The following ADK variants were observed in gnomAD, a reference collection of about 807,000 sequenced individuals.
ADK encodes adenosine kinase.
ADK carries 24 observed loss-of-function variants against 44.7 expected under a neutral mutation model. The observed-to-expected ratio is 0.54, with a 90% CI of 0.39 to 0.76. ADK has a LOEUF of 0.76. Ranked by LOEUF, ADK falls within the 30% of genes least tolerant of loss-of-function variation. The pLI, the probability that ADK is intolerant of heterozygous loss-of-function variation, is 0.00. For missense variants in ADK, 321 were observed against 425.1 expected (o/e 0.76, Z 2.15); for synonymous variants, 128 against 142.6 (o/e 0.90, Z 0.73).
intron 1 of ADK, among the ~76,000 whole-genome samples, chr10:74,160,690 G>GT (rs1841867550): frequency 9.7e-4 from 132 of 136,314 alleles, no homozygotes; most frequent in African/African-American, 2.0e-3. Context: ...TGCAGGTAGG[G>GT]GTGTGTGTGT....
intron 2 of ADK, among the ~76,000 whole-genome samples, chr10:74,205,765 A>T (rs1843573727): frequency 6.6e-6 from 1 of 151,924 alleles, no homozygotes; most frequent in Non-Finnish European, 1.5e-5. Context: ...CCATATAATT[A>T]TCTCAATAGA....
intron 2 of ADK, among the ~76,000 whole-genome samples, chr10:74,204,930 C>G (rs772831370): frequency 3.3e-5 from 5 of 150,578 alleles, no homozygotes; most frequent in Non-Finnish European, 5.9e-5. Flanking sequence ...GTCCCAGTTA[C>G]TCGGGTGGCT....
chr10:74,375,939 G>A (rs1176273181), intron 4 of ADK, among the ~76,000 whole-genome samples: 2 of 151,602 alleles, frequency 1.3e-5, no homozygotes, highest in Non-Finnish European at 2.9e-5. Context: ...TTACACTTTT[G>A]GTTAAAGTGT....
chr10:74,675,943 CT>C (rs1168291181), intron 10 of ADK, among the ~76,000 whole-genome samples: 1 of 151,424 alleles, frequency 6.6e-6, no homozygotes, highest in African/African-American at 2.4e-5. Flanking sequence ...CATCTTTAGA[CT>C]GAAAGTGAGT....
intron 10 of ADK, among the ~76,000 whole-genome samples, chr10:74,700,212 A>G (rs1338640599): frequency 6.6e-6 from 1 of 152,142 alleles, no homozygotes; most frequent in East Asian, 1.9e-4. Context: ...AATGAAGAAA[A>G]TCTCTACCAA....
intron 3 of ADK, among the ~76,000 whole-genome samples, chr10:74,290,078 G>GCGCACACACACACA (rs113592873): frequency 2.4e-4 from 36 of 149,012 alleles, no homozygotes; most frequent in South Asian, 4.3e-4. Context: ...CTACTCACGC[G>GCGCACACACACACA]CACACACACA....
chr10:74,353,983 T>G (rs1029116807), intron 4 of ADK, among the ~76,000 whole-genome samples: 3 of 152,246 alleles, frequency 2.0e-5, no homozygotes, highest in African/African-American at 7.2e-5. Context: ...TAAAATGCTC[T>G]AGATCACTCT....
intron 1 of ADK, among the ~76,000 whole-genome samples, chr10:74,199,912 T>G (rs944785532): frequency 1.1e-4 from 16 of 151,990 alleles, no homozygotes; most frequent in Admixed American, 3.3e-4. Context: ...TCTGCTGACC[T>G]CATGATCCAC....
intron 1 of ADK, among the ~76,000 whole-genome samples, chr10:74,168,011 G>T (rs1187281279): frequency 2.0e-5 from 3 of 152,154 alleles, no homozygotes; most frequent in Non-Finnish European, 2.9e-5. Context: ...TTGAAGAAAT[G>T]ATTTAAAGTT....
intron 6 of ADK, among the ~76,000 whole-genome samples, chr10:74,463,483 A>G (rs1012132567): frequency 6.6e-6 from 1 of 152,144 alleles, no homozygotes; most frequent in Non-Finnish European, 1.5e-5. Context: ...TCGCACTCTA[A>G]TGAGAATCTA....
intron 4 of ADK, among the ~76,000 whole-genome samples, chr10:74,369,476 T>G (rs1333553342): frequency 6.6e-6 from 1 of 152,226 alleles, no homozygotes; most frequent in Non-Finnish European, 1.5e-5. Context: ...CTCTCTGCTT[T>G]CGATAAGATG....
intron 1 of ADK, among the ~76,000 whole-genome samples, chr10:74,191,674 A>G (rs1039602777): frequency 6.6e-5 from 10 of 152,212 alleles, no homozygotes; most frequent in Admixed American, 3.9e-4. Flanking sequence ...ACTTCCCCCA[A>G]TGATATATCT....
chr10:74,668,178 G>C lies in ADK; in HGVS notation c.878-2005G>C, dbSNP rs564395351. 2.0e-5 allele frequency among the ~76,000 whole-genome samples: 3 copies of C among 152,224 alleles called. No homozygotes were observed. In the South Asian group the frequency reaches 6.2e-4, roughly 32 times the overall value. ...TTTATAGTTGTTATTTCCCTGTATAGTGTAGCTTGTACTTGGAAGTAGTAA... is the reference window on the plus strand; with the variant it reads ...TTTATAGTTGTTATTTCCCTGTATACTGTAGCTTGTACTTGGAAGTAGTAA... On this transcript the variant is annotated intron_variant, in intron 9 of 10. Coordinates refer to ENST00000539909, the MANE Select transcript of ADK (RefSeq NM_006721.4).
chr10:74,170,630 C>G lies in ADK; in HGVS notation c.65+19287C>G, dbSNP rs377476633. ...TGGCTAACACGGTGAAACCCTGTCT[C>G]TACTAAAAATACAAAAAAAATTTGC... On this transcript the variant is annotated intron_variant, in intron 1 of 10. Transcript: ENST00000539909. Among the ~76,000 whole-genome samples, 235 of 151,774 alleles carry G rather than the reference C, an allele frequency of 1.5e-3. 1 individual carries two copies. The highest frequency in any genetic ancestry group is 5.4e-3 in the African/African-American group (223 of 41,402).
At chr10:74,203,503 C>A (rs1322613132) in intron 2 of ADK, among the ~76,000 whole-genome samples, 1 of 151,874 alleles carries the variant, frequency 6.6e-6, no homozygotes, top group Non-Finnish European at 1.5e-5. Context: ...AGACTATATG[C>A]AGGTACCACC....
intron 6 of ADK, among the ~76,000 whole-genome samples, chr10:74,488,227 A>G (rs1045378981): frequency 6.6e-6 from 1 of 151,986 alleles, no homozygotes; most frequent in Non-Finnish European, 1.5e-5. Context: ...AAGCAAATGT[A>G]GTATTAGATC....
chr10:74,597,887 T>C (rs1851976400), intron 8 of ADK, among the ~76,000 whole-genome samples: 1 of 152,200 alleles, frequency 6.6e-6, no homozygotes, highest in South Asian at 2.1e-4. Flanking sequence ...AACTAATCTA[T>C]CTGGCTTAAG....
chr10:74,608,100 C>T (rs1028187283), intron 9 of ADK, among the ~76,000 whole-genome samples: 4 of 151,764 alleles, frequency 2.6e-5, no homozygotes, highest in Non-Finnish European at 5.9e-5. Context: ...ATGTTCTTCT[C>T]TAAACTGGTT....
chr10:74,398,074 G>C (rs1458580944), intron 5 of ADK, among the ~76,000 whole-genome samples: 1 of 152,116 alleles, frequency 6.6e-6, no homozygotes, highest in African/African-American at 2.4e-5. Flanking sequence ...ATTATAGTAT[G>C]TTGATATTTA....
Sources: allele counts gnomAD v4.1 joint callset (sites outside exome capture counted in the v4.1 genomes callset), GRCh38; gene constraint gnomAD v4.1.1; transcripts MANE v1.5; gene names NCBI Gene and HGNC (gene_info 2026-07-23, HGNC 2026-07-21).